Variants in TACR3 observed in about 807,000 individuals in gnomAD.
The protein encoded by TACR3 is tachykinin receptor 3.
TACR3 carries 34 observed loss-of-function variants against 35.0 expected under a neutral mutation model. The ratio of observed to expected loss-of-function variants is 0.97; its 90% CI spans 0.74 to 1.30. The LOEUF (loss-of-function observed/expected upper bound fraction) is 1.30, where lower values mean the gene tolerates loss of function less well. TACR3 is among the 50% of genes most tolerant of loss of function. The probability of loss-of-function intolerance (pLI) is 0.00; values close to 1 mark genes in which losing one functional copy is unlikely to be tolerated. For missense variants in TACR3, 558 were observed against 591.7 expected (o/e 0.94, Z 0.59); for synonymous variants, 233 against 221.1 (o/e 1.05, Z -0.48).
Position 103,593,668 on chromosome 4 carries a change from C to T in TACR3, c.889-1985G>A, listed in dbSNP as rs1043092576. Among the ~76,000 whole-genome samples, 7 of 152,100 alleles carry T rather than the reference C, an allele frequency of 4.6e-5. No homozygotes were observed. The South Asian group carries it at 1.2e-3, about 27-fold the overall frequency. On this transcript the variant is annotated intron_variant, in intron 3 of 4. Coordinates refer to ENST00000304883, the MANE Select transcript of TACR3 (RefSeq NM_001059.3). ...TATTTTCCCTGGCTCCTCCCTCTAC[C>T]TAGAACACTCTTCTAACCATGATTC...
At chr4:103,671,195 G>A (rs1417601203) in intron 1 of TACR3, among the ~76,000 whole-genome samples, 1 of 151,928 alleles carries the variant, frequency 6.6e-6, no homozygotes, top group Admixed American at 6.6e-5. Flanking sequence ...AGTATTTGTT[G>A]AGGATTATTT....
At chr4:103,592,378 T>G (rs1250346215) in intron 3 of TACR3, among the ~76,000 whole-genome samples, 2 of 152,234 alleles carry the variant, frequency 1.3e-5, no homozygotes, top group Admixed American at 1.3e-4. Flanking sequence ...ATAAGCCATT[T>G]CCTTTGATTG....
At position 103,617,017 on chromosome 4, in the gene TACR3, T is replaced by A. The variant is rs540434278; in HGVS notation, c.889-25334A>T. ...CAAATCTGAGATGACCCACCAGTAATTTTAACTGACTTACAGGAGAAAGCA... is the reference window on the plus strand; with the variant it reads ...CAAATCTGAGATGACCCACCAGTAAATTTAACTGACTTACAGGAGAAAGCA... On this transcript the variant is annotated intron_variant, in intron 3 of 4. Transcript: ENST00000304883. Among the ~76,000 whole-genome samples, 106 of 152,286 alleles carry A rather than the reference T, an allele frequency of 7.0e-4. 1 individual carries two copies. The highest frequency in any genetic ancestry group is 2.8e-4 in the Non-Finnish European group (19 of 68,020).
intron 3 of TACR3, among the ~76,000 whole-genome samples, chr4:103,596,651 T>C (rs1426721413): frequency 1.4e-4 from 22 of 152,152 alleles, no homozygotes; most frequent in Admixed American, 3.3e-4. Flanking sequence ...ATGTGCACAA[T>C]GTGCAGGTTT....
chr4:103,709,724 G>A (rs1434889370), intron 1 of TACR3, among the ~76,000 whole-genome samples: 3 of 152,108 alleles, frequency 2.0e-5, no homozygotes, highest in Non-Finnish European at 4.4e-5. Flanking sequence ...ACTGGATAAA[G>A]AGTCAAGAAC....
At chr4:103,617,116 A>G (rs1026424547) in intron 3 of TACR3, among the ~76,000 whole-genome samples, 20 of 152,194 alleles carry the variant, frequency 1.3e-4, no homozygotes, top group African/African-American at 4.8e-4. Flanking sequence ...GCAACAAAAA[A>G]TTATGAGACA....
intron 3 of TACR3, among the ~76,000 whole-genome samples, chr4:103,650,498 TTATA>T (rs1277372076): frequency 2.3e-5 from 3 of 133,060 alleles, no homozygotes; most frequent in East Asian, 2.1e-4. Context: ...TATGTATTAT[TTATA>T]TATATTTATA....
chr4:103,595,794 C>T (rs1723993647), intron 3 of TACR3, among the ~76,000 whole-genome samples: 1 of 151,110 alleles, frequency 6.6e-6, no homozygotes. Flanking sequence ...TACATGTGCA[C>T]AATGTGCAGG....
intron 3 of TACR3, among the ~76,000 whole-genome samples, chr4:103,655,257 TTAAG>T (rs919647296): frequency 2.6e-5 from 4 of 152,178 alleles, no homozygotes; most frequent in Middle Eastern, 3.2e-3. Context: ...TTGATCACTG[TTAAG>T]TGAGTTTTTG....
Position 103,587,998 on chromosome 4 carries a change from G to GTGTGTT in TACR3, c.*1683_*1684insAACACA, listed in dbSNP as rs528856784. On this transcript the variant is annotated 3_prime_UTR_variant, in exon 5 of 5. Coordinates refer to ENST00000304883, the MANE Select transcript of TACR3 (RefSeq NM_001059.3). Reference sequence around the variant, plus strand: ...TTTGTATGTGTGTGTGTGTGTGTGTGTGTCTCTTTGTTTATTGGTATCATC... The same window carrying GTGTGTT: ...TTTGTATGTGTGTGTGTGTGTGTGTGTGTGTTTGTCTCTTTGTTTATTGGTATCATC... 1.3e-3 allele frequency: 199 copies of GTGTGTT among 151,698 alleles called. No individual in the cohort carries two copies. Among genetic ancestry groups the GTGTGTT allele is most frequent in the African/African-American group, 4.6e-3 (188 of 41,122 alleles). The allele number at this position is 151,698 out of a possible 1,614,324, so 9.4% of individuals were successfully genotyped here.
intron 3 of TACR3, among the ~76,000 whole-genome samples, chr4:103,610,413 TG>T (rs1273018290): frequency 6.6e-6 from 1 of 152,122 alleles, no homozygotes; most frequent in African/African-American, 2.4e-5. Context: ...GTTAGTCCTT[TG>T]TATGTCTTCT....
chr4:103,713,790 A>G (rs1466827498), intron 1 of TACR3, among the ~76,000 whole-genome samples: 1 of 152,156 alleles, frequency 6.6e-6, no homozygotes, highest in East Asian at 1.9e-4. Context: ...CAACTTTTGC[A>G]TTTAATCATT....
chr4:103,640,590 T>A (rs1725333665), intron 3 of TACR3, among the ~76,000 whole-genome samples: 1 of 151,994 alleles, frequency 6.6e-6, no homozygotes. Context: ...ATGTATGGTT[T>A]ACAAATTTTT....
intron 3 of TACR3, among the ~76,000 whole-genome samples, chr4:103,647,561 C>T (rs565156990): frequency 6.6e-6 from 1 of 151,902 alleles, no homozygotes; most frequent in East Asian, 1.9e-4. Flanking sequence ...AGATTAGTAA[C>T]CAATTATCAT....
chr4:103,701,283 T>A, intron 1 of TACR3, among the ~76,000 whole-genome samples: 1 of 149,442 alleles, frequency 6.7e-6, no homozygotes, highest in African/African-American at 2.5e-5. Context: ...AAATCATGAG[T>A]GAACTCCCAT....
At chr4:103,614,887 T>TGTTTTG (rs1560807393) in intron 3 of TACR3, among the ~76,000 whole-genome samples, 54 of 93,386 alleles carry the variant, frequency 5.8e-4, no homozygotes, top group African/African-American at 2.3e-3. Flanking sequence ...TGAATGTGTT[T>TGTTTTG]TTTTTTTTTT....
intron 1 of TACR3, among the ~76,000 whole-genome samples, chr4:103,677,746 A>G (rs1726202818): frequency 6.6e-6 from 1 of 152,088 alleles, no homozygotes; most frequent in Non-Finnish European, 1.5e-5. Context: ...ATGAAGGATA[A>G]CTAATGGATG....
chr4:103,622,908 C>T (rs1026024334), intron 3 of TACR3, among the ~76,000 whole-genome samples: 1 of 152,034 alleles, frequency 6.6e-6, no homozygotes, highest in Admixed American at 6.5e-5. Flanking sequence ...TTTTAAGAAA[C>T]TACACTTCCA....
At chr4:103,592,071 T>C (rs1723910203) in intron 3 of TACR3, among the ~76,000 whole-genome samples, 1 of 152,170 alleles carries the variant, frequency 6.6e-6, no homozygotes, top group Non-Finnish European at 1.5e-5. Flanking sequence ...AATCAACTGT[T>C]AAGTCACTAT....
Sources: allele counts gnomAD v4.1 joint callset (sites outside exome capture counted in the v4.1 genomes callset), GRCh38; gene constraint gnomAD v4.1.1; transcripts MANE v1.5; gene names NCBI Gene and HGNC (gene_info 2026-07-23, HGNC 2026-07-21).